The following DNAH12 variants were observed in gnomAD, a reference collection of about 807,000 sequenced individuals.
The protein encoded by DNAH12 is axonemal beta dynein heavy chain 12.
A neutral mutation model predicts 371.5 loss-of-function variants in DNAH12; 285 were observed. The ratio of observed to expected loss-of-function variants is 0.77; its 90% CI spans 0.70 to 0.85. The LOEUF (loss-of-function observed/expected upper bound fraction) is 0.85. Among genes scored for constraint, DNAH12 ranks in the 40% least tolerant of loss-of-function variants. The pLI is 0.00. For synonymous variants in DNAH12, 1,200 were observed against 1,213.0 expected (o/e 0.99, Z 0.22); for missense variants, 3,611 against 3,689.4 (o/e 0.98, Z 0.55).
chr3:57,453,469 A>G, intron 23 of DNAH12, 66 bp from the exon 24 acceptor site: 2 of 1,313,434 alleles, frequency 1.5e-6, no homozygotes, highest in Non-Finnish European at 2.0e-6. Context: ...TATTTTATAT[A>G]TTTAGTCTTT....
intron 69 of DNAH12, among the ~76,000 whole-genome samples, chr3:57,302,468 A>G (rs1475827805): frequency 2.2e-5 from 3 of 138,510 alleles, no homozygotes; most frequent in Non-Finnish European, 1.5e-5. Context: ...ATACTGTGTT[A>G]TTATATATAC....
At chr3:57,304,212 T>C (rs967375229) in intron 69 of DNAH12, among the ~76,000 whole-genome samples, 1 of 152,160 alleles carries the variant, frequency 6.6e-6, no homozygotes, top group African/African-American at 2.4e-5. Context: ...TTAAAAGCTT[T>C]ATTGCTCACA....
chr3:57,450,385 C>T (rs976484419), intron 25 of DNAH12, among the ~76,000 whole-genome samples: 2 of 149,766 alleles, frequency 1.3e-5, no homozygotes, highest in African/African-American at 4.9e-5. Context: ...CCTGTCTCTA[C>T]CAAAAACACA....
chr3:57,322,110 T>G (rs1418927463), intron 65 of DNAH12, among the ~76,000 whole-genome samples: 1 of 152,230 alleles, frequency 6.6e-6, no homozygotes, highest in African/African-American at 2.4e-5. Flanking sequence ...AAACTAAGAT[T>G]CATTCATTCA....
chr3:57,306,238 C>G (rs1410651004), intron 69 of DNAH12, among the ~76,000 whole-genome samples: 3 of 152,056 alleles, frequency 2.0e-5, no homozygotes, highest in African/African-American at 4.8e-5. Flanking sequence ...AAGGTAAGTC[C>G]GTCCCCTTCT....
intron 12 of DNAH12, 32 bp from the exon 13 acceptor site, chr3:57,483,543 G>A: frequency 6.6e-7 from 1 of 1,521,706 alleles, no homozygotes; most frequent in South Asian, 1.3e-5. Context: ...ATAGACTTAT[G>A]GCAATTAATG....
rs2066058196 is a variant in DNAH12, at chr3:57,461,681, T to C, written c.2544A>G (p.Ser848=). 1 of 1,550,264 alleles carries C rather than the reference T, an allele frequency of 6.5e-7. No individual in the cohort carries two copies. The highest frequency in any genetic ancestry group is 8.7e-7 in the Non-Finnish European group (1 of 1,146,692). ...TCATTGTATTCATGGCTTTCTCTAATGAAAATTCCTAAAACGGAGGAATGA... is the reference window on the plus strand; with the variant it reads ...TCATTGTATTCATGGCTTTCTCTAACGAAAATTCCTAAAACGGAGGAATGA... ...VISAGASKEF[S]LEKAMNTMIG... is the part of the protein sequence containing the mutation. The change falls in exon 19 of 74, where the codon TCA becomes TCG. Residue 848 remains serine, a synonymous_variant. Coordinates refer to ENST00000495027, the MANE Select transcript of DNAH12 (RefSeq NM_001366028.2).
At chr3:57,411,994 A>G (rs966464160) in intron 39 of DNAH12, among the ~76,000 whole-genome samples, 2 of 152,234 alleles carry the variant, frequency 1.3e-5, no homozygotes, top group Admixed American at 1.3e-4. Context: ...TCAATGGAAC[A>G]GAATAGAGAG....
intron 12 of DNAH12, among the ~76,000 whole-genome samples, chr3:57,484,670 AAAAC>A (rs2153384153): frequency 6.6e-6 from 1 of 152,300 alleles, no homozygotes; most frequent in African/African-American, 2.4e-5. Context: ...AAACACAACA[AAAAC>A]AAAAATAAAT....
At chr3:57,296,129 C>T (rs1189297578) in intron 72 of DNAH12, among the ~76,000 whole-genome samples, 1 of 152,070 alleles carries the variant, frequency 6.6e-6, no homozygotes, top group Non-Finnish European at 1.5e-5. Flanking sequence ...GCTAACTTTT[C>T]TACTAATAAG....
At position 57,477,708 on chromosome 3, in the gene DNAH12, T is replaced by C. The variant is rs548779473; in HGVS notation, c.1651-5037A>G. On this transcript the variant is annotated intron_variant, in intron 13 of 73. Coordinates refer to ENST00000495027, the MANE Select transcript of DNAH12 (RefSeq NM_001366028.2). ...CAGACTGACACCTCACACGGCCGGG[T>C]ACTCTTCTGAGACAAAACTTCCAGA... Among the ~76,000 whole-genome samples the C allele has an allele frequency of 7.0e-4, 107 of 152,202 alleles. 3 individuals carry two copies. The South Asian group carries it at 0.022, about 31-fold the overall frequency.
At chr3:57,538,939 C>A (rs1486473572) in intron 2 of DNAH12, among the ~76,000 whole-genome samples, 1 of 152,204 alleles carries the variant, frequency 6.6e-6, no homozygotes, top group Non-Finnish European at 1.5e-5. Context: ...TTTTACCCCC[C>A]ACCTCCTGGA....
intron 58 of DNAH12, among the ~76,000 whole-genome samples, chr3:57,357,764 G>C (rs1476269243): frequency 7.9e-5 from 12 of 152,290 alleles, no homozygotes; most frequent in African/African-American, 2.9e-4. Flanking sequence ...TAAAGAGGGA[G>C]AGAGGGATGG....
rs533380713 is a variant in DNAH12 at position 57,506,072 on chromosome 3, A to G, written c.897+1571T>C. Among the ~76,000 whole-genome samples, 10 of 152,260 alleles carry G rather than the reference A, an allele frequency of 6.6e-5. No individual in the cohort carries two copies. In the East Asian group the frequency reaches 1.9e-3, roughly 29 times the overall value. ...AACCTTAATTTTTTAATAGAATATCAACAATCTTAAAATGGTGACTCAGAA... is the reference window on the plus strand; with the variant it reads ...AACCTTAATTTTTTAATAGAATATCGACAATCTTAAAATGGTGACTCAGAA... On this transcript the variant is annotated intron_variant, in intron 8 of 73. Transcript: ENST00000495027.
chr3:57,332,436 A>G (rs1410441968), intron 62 of DNAH12, among the ~76,000 whole-genome samples: 1 of 152,180 alleles, frequency 6.6e-6, no homozygotes, highest in Non-Finnish European at 1.5e-5. Context: ...AATTAATGAA[A>G]CCACCATTTT....
chr3:57,318,272 G>C (rs760167894), intron 65 of DNAH12, among the ~76,000 whole-genome samples: 1 of 151,978 alleles, frequency 6.6e-6, no homozygotes, highest in Non-Finnish European at 1.5e-5. Context: ...GTGTTCTTCC[G>C]TAAGTTTTAC....
At chr3:57,484,345 T>C (rs1333521038) in intron 12 of DNAH12, among the ~76,000 whole-genome samples, 1 of 152,164 alleles carries the variant, frequency 6.6e-6, no homozygotes, top group East Asian at 1.9e-4. Flanking sequence ...AACCTAGATA[T>C]CCTACAGCAT....
intron 24 of DNAH12, 104 bp from the exon 25 acceptor site, chr3:57,453,119 G>A (rs183484011): frequency 1.4e-6 from 2 of 1,457,240 alleles, no homozygotes; most frequent in Admixed American, 2.9e-5. Context: ...AATAATTCAT[G>A]TTTGCCAACT....
At chr3:57,311,587 G>A (rs2061585417) in intron 66 of DNAH12, among the ~76,000 whole-genome samples, 1 of 152,232 alleles carries the variant, frequency 6.6e-6, no homozygotes, top group Admixed American at 6.5e-5. Flanking sequence ...AATGTCTGGA[G>A]ATAACTTAGA....
Sources: allele counts gnomAD v4.1 joint callset (sites outside exome capture counted in the v4.1 genomes callset), GRCh38; gene constraint gnomAD v4.1.1; transcripts MANE v1.5; gene names NCBI Gene and HGNC (gene_info 2026-07-23, HGNC 2026-07-21).